MEF2C: variants seen among roughly 807,000 people sequenced by gnomAD.
MEF2C encodes myocyte-specific enhancer factor 2C.
A neutral mutation model predicts 50.5 loss-of-function variants in MEF2C; 6 were observed. The observed-to-expected ratio is 0.12, with a 90% CI of 0.07 to 0.23. The LOEUF is 0.23. Ranked by LOEUF, MEF2C falls within the 10% of genes least tolerant of loss-of-function variation. The pLI, the probability that MEF2C is intolerant of heterozygous loss-of-function variation, is 1.00. For synonymous variants in MEF2C, 183 were observed against 228.0 expected, an observed-to-expected ratio of 0.80 and a Z score of 1.78; for missense variants, 276 against 605.0, an observed-to-expected ratio of 0.46 and a Z score of 5.70.
At chr5:88,738,509 A>C (rs1765076412) in intron 6 of MEF2C, 1 of 859,862 alleles carries the variant, frequency 1.2e-6, no homozygotes, top group African/African-American at 1.8e-5. Flanking sequence ...GAGGTCCAGG[A>C]ATTTGCTCAA....
At chr5:88,898,260 C>T (rs1475162191) in intron 1 of MEF2C, among the ~76,000 whole-genome samples, 1 of 152,112 alleles carries the variant, frequency 6.6e-6, no homozygotes, top group African/African-American at 2.4e-5. Flanking sequence ...ATTAGAAAAC[C>T]AGTTAAGCAA....
Position 88,747,349 on chromosome 5 carries a change from T to C in MEF2C, c.637+1721A>G, listed in dbSNP as rs2152479360. 1.2e-4 allele frequency among the ~76,000 whole-genome samples: 2 copies of C among 16,408 alleles called. 1 individual carries two copies. 10.8% of individuals were successfully genotyped at this position (16,408 alleles called of 152,430 possible). A position where few individuals can be genotyped will look rare whatever the true frequency, so the allele number is the denominator to read the frequency against. The stretch of plus-strand genomic sequence containing the variant: ...TTTTTACTACTTTTTTTTTTTTTTT[T>C]TTTTTTTTTTTTTTTTTGAGACGGA... On this transcript the variant is annotated intron_variant, in intron 6 of 10. Transcript: ENST00000504921.
intron 2 of MEF2C, among the ~76,000 whole-genome samples, chr5:88,813,160 C>G (rs1803622956): frequency 6.6e-6 from 1 of 152,018 alleles, no homozygotes; most frequent in Admixed American, 6.6e-5. Context: ...CCCACTACAG[C>G]CACTGAGAAC....
chr5:88,785,935 A>T (rs781640678), intron 3 of MEF2C, among the ~76,000 whole-genome samples: 11 of 152,144 alleles, frequency 7.2e-5, no homozygotes, highest in Admixed American at 1.3e-4. Context: ...GCACTTTATC[A>T]TCGCCCGCAT....
At chr5:88,804,843 A>T (rs767009599) in intron 2 of MEF2C, 42 bp from the exon 3 acceptor site, 4 of 1,525,596 alleles carry the variant, frequency 2.6e-6, no homozygotes, top group African/African-American at 1.4e-5. Flanking sequence ...AAAAATATTC[A>T]TGCATGTGTG....
chr5:88,782,315 A>G (rs1407718582), intron 3 of MEF2C: 1 of 297,172 alleles, frequency 3.4e-6, no homozygotes, highest in Admixed American at 6.5e-5. Flanking sequence ...AAAATACAAA[A>G]ATTCGTTGGG....
At chr5:88,878,959 A>G (rs892938303) in intron 1 of MEF2C, among the ~76,000 whole-genome samples, 20 of 152,076 alleles carry the variant, frequency 1.3e-4, no homozygotes, top group African/African-American at 3.9e-4. Flanking sequence ...TAAACTTGTT[A>G]AAACTTAGTA....
chr5:88,836,416 T>C (rs1446803118), intron 1 of MEF2C, among the ~76,000 whole-genome samples: 1 of 152,060 alleles, frequency 6.6e-6, no homozygotes, highest in East Asian at 1.9e-4. Context: ...GACATGGAAA[T>C]ATGAGTTTCT....
chr5:88,770,998 A>G (rs1250478228), intron 3 of MEF2C, among the ~76,000 whole-genome samples: 1 of 152,238 alleles, frequency 6.6e-6, no homozygotes, highest in African/African-American at 2.4e-5. Flanking sequence ...CCTCAGAATC[A>G]TGGCAGAAGG....
chr5:88,757,984 C>G (rs1776147822), intron 4 of MEF2C, among the ~76,000 whole-genome samples: 1 of 152,016 alleles, frequency 6.6e-6, no homozygotes. Context: ...CGTAATTCTA[C>G]CCAGCTACCA....
chr5:88,757,854 T>C (rs1776065179), intron 4 of MEF2C, among the ~76,000 whole-genome samples: 1 of 152,010 alleles, frequency 6.6e-6, no homozygotes, highest in Non-Finnish European at 1.5e-5. Context: ...AGGCGGAGGT[T>C]GAGGGGAGCC....
chr5:88,836,948 C>T (rs1815353398), intron 1 of MEF2C, among the ~76,000 whole-genome samples: 1 of 146,694 alleles, frequency 6.8e-6, no homozygotes, highest in South Asian at 2.1e-4. Flanking sequence ...ATTAGCATTC[C>T]CCAAAGTGGA....
At chr5:88,842,855 T>C (rs1057438024) in intron 1 of MEF2C, among the ~76,000 whole-genome samples, 1 of 152,214 alleles carries the variant, frequency 6.6e-6, no homozygotes, top group African/African-American at 2.4e-5. Context: ...CTCAATAATT[T>C]GTGAAGAAAA....
intron 10 of MEF2C, among the ~76,000 whole-genome samples, chr5:88,725,809 A>C (rs753967222): frequency 4.6e-5 from 7 of 152,124 alleles, no homozygotes; most frequent in Admixed American, 2.6e-4. Context: ...ACTCAGAGTT[A>C]TCTCTCTCAG....
chr5:88,749,495 AAT>A, intron 5 of MEF2C: 1 of 984,874 alleles, frequency 1.0e-6, no homozygotes, highest in Non-Finnish European at 1.2e-6. Context: ...GTTCTTTGTA[AAT>A]ATGTTTTATG....
intron 6 of MEF2C, chr5:88,741,630 T>G: frequency 1.0e-6 from 1 of 978,546 alleles, no homozygotes; most frequent in Non-Finnish European, 1.2e-6. Context: ...AAACTGGCCA[T>G]AGATTTAGTT....
intron 6 of MEF2C, chr5:88,741,140 G>A (rs1046360728): frequency 4.3e-5 from 42 of 985,358 alleles, no homozygotes; most frequent in African/African-American, 7.0e-5. Flanking sequence ...TAGGAGCCCC[G>A]TGCTGGACAT....
chr5:88,726,523 A>G (rs1758853798), intron 10 of MEF2C, among the ~76,000 whole-genome samples: 1 of 152,136 alleles, frequency 6.6e-6, no homozygotes, highest in Admixed American at 6.6e-5. Context: ...GTGTGTGTGA[A>G]GCAGAGAGAG....
At chr5:88,807,222 CTCTTT>C (rs1251794343) in intron 2 of MEF2C, among the ~76,000 whole-genome samples, 1 of 152,094 alleles carries the variant, frequency 6.6e-6, no homozygotes, top group African/African-American at 2.4e-5. Flanking sequence ...TTAACAACTT[CTCTTT>C]TGTTTGTTTG....
Sources: gnomAD v4.1 joint callset for allele counts (sites outside exome capture counted in the v4.1 genomes callset) on GRCh38, gnomAD v4.1.1 for gene constraint, MANE v1.5 for transcripts, NCBI Gene and HGNC (gene_info 2026-07-23, HGNC 2026-07-21) for gene names.